The following CSMD1 variants were observed in gnomAD, a reference collection of about 807,000 sequenced individuals.
CSMD1 encodes CUB and sushi domain-containing protein 1.
CSMD1 carries 213 observed loss-of-function variants against 417.5 expected under a neutral mutation model. The observed-to-expected ratio is 0.51, with a 90% CI of 0.46 to 0.57. The LOEUF (loss-of-function observed/expected upper bound fraction) is 0.57, where lower values mean the gene tolerates loss of function less well. Ranked by LOEUF, CSMD1 falls within the 20% of genes least tolerant of loss-of-function variation. CSMD1 has a pLI of 0.00. For missense variants in CSMD1, 6,923 were observed against 4,529.7 expected, an observed-to-expected ratio of 1.53 and a Z score of -15.17; for synonymous variants, 2,862 against 1,736.8, an observed-to-expected ratio of 1.65 and a Z score of -16.11.
chr8:3,761,725 C>G (rs749579345), intron 5 of CSMD1, among the ~76,000 whole-genome samples: 1 of 152,010 alleles, frequency 6.6e-6, no homozygotes, highest in African/African-American at 2.4e-5. Flanking sequence ...AGGCTGGTCT[C>G]GAACTTCTGA....
intron 50 of CSMD1, among the ~76,000 whole-genome samples, chr8:3,038,943 G>T (rs892733703): frequency 2.0e-5 from 3 of 152,126 alleles, no homozygotes; most frequent in South Asian, 4.1e-4. Context: ...ATCTGAGCTG[G>T]TGACTATATA....
intron 3 of CSMD1, among the ~76,000 whole-genome samples, chr8:4,389,373 A>T (rs1803691427): frequency 6.6e-6 from 1 of 152,170 alleles, no homozygotes; most frequent in Non-Finnish European, 1.5e-5. Context: ...AGTACTTGGA[A>T]ATTACTATTA....
At chr8:3,777,588 G>A (rs1192413198) in intron 5 of CSMD1, among the ~76,000 whole-genome samples, 2 of 152,182 alleles carry the variant, frequency 1.3e-5, no homozygotes, top group Non-Finnish European at 2.9e-5. Context: ...CTGCCATACG[G>A]AAGCAGTCTC....
chr8:4,520,270 A>G (rs2130391394), intron 2 of CSMD1, among the ~76,000 whole-genome samples: 1 of 152,314 alleles, frequency 6.6e-6, no homozygotes, highest in East Asian at 1.9e-4. Flanking sequence ...ACATAGTTGC[A>G]AAATAATACT....
intron 3 of CSMD1, among the ~76,000 whole-genome samples, chr8:4,322,074 G>C (rs868711180): frequency 6.6e-6 from 1 of 151,980 alleles, no homozygotes; most frequent in Admixed American, 6.6e-5. Flanking sequence ...TTTCATCATA[G>C]ACTGAAATGA....
intron 4 of CSMD1, among the ~76,000 whole-genome samples, chr8:4,022,701 T>C (rs1008254086): frequency 7.9e-5 from 12 of 152,098 alleles, no homozygotes; most frequent in East Asian, 1.9e-4. Context: ...AAGTGGGATA[T>C]TGAAAAGCTG....
chr8:4,260,797 C>A (rs1023477106), intron 3 of CSMD1, among the ~76,000 whole-genome samples: 1 of 152,160 alleles, frequency 6.6e-6, no homozygotes, highest in African/African-American at 2.4e-5. Context: ...ACTGTCACCT[C>A]TCCTGGAAAA....
chr8:4,263,317 G>T (rs1009232258), intron 3 of CSMD1, among the ~76,000 whole-genome samples: 1 of 152,030 alleles, frequency 6.6e-6, no homozygotes, highest in African/African-American at 2.4e-5. Context: ...CCACCAAAAG[G>T]GGCCTCTGTG....
At chr8:3,747,101 G>C (rs538981700) in intron 6 of CSMD1, among the ~76,000 whole-genome samples, 1 of 152,184 alleles carries the variant, frequency 6.6e-6, no homozygotes, top group Admixed American at 6.5e-5. Context: ...ATGACAAGTC[G>C]GTGGAGAAAC....
chr8:4,309,392 C>G (rs1305385382), intron 3 of CSMD1, among the ~76,000 whole-genome samples: 28 of 151,934 alleles, frequency 1.8e-4, no homozygotes, highest in Non-Finnish European at 1.5e-4. Flanking sequence ...AGAGAAGACC[C>G]TCAAAAGCTT....
chr8:4,876,640 A>G (rs1803058673), intron 1 of CSMD1, among the ~76,000 whole-genome samples: 1 of 152,108 alleles, frequency 6.6e-6, no homozygotes, highest in African/African-American at 2.4e-5. Context: ...TATTTAGGAA[A>G]AGCACAATGC....
At chr8:3,256,445 C>A (rs1340319349) in intron 26 of CSMD1, among the ~76,000 whole-genome samples, 2 of 152,106 alleles carry the variant, frequency 1.3e-5, no homozygotes, top group East Asian at 1.9e-4. Context: ...GTTCATTGTC[C>A]CCTTCTCCTA....
intron 5 of CSMD1, among the ~76,000 whole-genome samples, chr8:3,760,151 A>G (rs1324595982): frequency 6.6e-6 from 1 of 152,098 alleles, no homozygotes; most frequent in African/African-American, 2.4e-5. Flanking sequence ...TTCTTAAGGG[A>G]ATTTTGACAT....
At chr8:4,730,464 G>A (rs904738337) in intron 1 of CSMD1, among the ~76,000 whole-genome samples, 1 of 152,174 alleles carries the variant, frequency 6.6e-6, no homozygotes, top group Non-Finnish European at 1.5e-5. Context: ...AAAATGGCCA[G>A]GAGCAGTGGC....
chr8:3,370,647 C>T (rs986575123), intron 18 of CSMD1, among the ~76,000 whole-genome samples: 3 of 152,190 alleles, frequency 2.0e-5, no homozygotes, highest in African/African-American at 7.2e-5. Context: ...GAACTGGCAT[C>T]ATTCAATCTG....
intron 10 of CSMD1, among the ~76,000 whole-genome samples, chr8:3,570,315 T>C (rs762485974): frequency 2.0e-5 from 3 of 152,350 alleles, no homozygotes; most frequent in South Asian, 4.1e-4. Context: ...CTGGTCACCA[T>C]ACACTAACCG....
At chr8:3,123,638 G>C (rs1019374308) in intron 41 of CSMD1, among the ~76,000 whole-genome samples, 1 of 152,098 alleles carries the variant, frequency 6.6e-6, no homozygotes, top group Non-Finnish European at 1.5e-5. Context: ...CTGATTGCTG[G>C]TTTCTAGAGG....
chr8:4,119,358 G>C (rs1802347492), intron 3 of CSMD1, among the ~76,000 whole-genome samples: 1 of 152,136 alleles, frequency 6.6e-6, no homozygotes, highest in South Asian at 2.1e-4. Flanking sequence ...AATGCTAAGT[G>C]AACATTTTTT....
intron 18 of CSMD1, among the ~76,000 whole-genome samples, chr8:3,380,421 T>C (rs796952726): frequency 6.6e-6 from 1 of 152,174 alleles, no homozygotes; most frequent in Non-Finnish European, 1.5e-5. Flanking sequence ...ATCATTCTAC[T>C]ATGAAGACAT....
Sources: gnomAD v4.1 joint callset for allele counts (sites outside exome capture counted in the v4.1 genomes callset) on GRCh38, gnomAD v4.1.1 for gene constraint, MANE v1.5 for transcripts, NCBI Gene and HGNC (gene_info 2026-07-23, HGNC 2026-07-21) for gene names.